The following GRIK2 variants were observed in gnomAD, a reference collection of about 807,000 sequenced individuals.
GRIK2 encodes the protein glutamate ionotropic receptor kainate type subunit 2, also known as glutamate receptor ionotropic, kainate 2.
A neutral mutation model predicts 100.3 loss-of-function variants in GRIK2; 32 were observed. The observed-to-expected ratio is 0.32, with a 90% CI of 0.24 to 0.43. The LOEUF (loss-of-function observed/expected upper bound fraction) is 0.43, where lower values mean the gene tolerates loss of function less well. Among genes scored for constraint, GRIK2 ranks in the 20% least tolerant of loss-of-function variants. The pLI is 1.00. For synonymous variants in GRIK2, 417 were observed against 389.4 expected (o/e 1.07, Z -0.83); for missense variants, 843 against 1,114.9 (o/e 0.76, Z 3.47).
At position 101,580,314 on chromosome 6, in the gene GRIK2, C is replaced by T. The variant is rs532366187; in HGVS notation, c.116-41635C>T. On this transcript the variant is annotated intron_variant, in intron 2 of 16. Transcript: ENST00000369134. ...TCTTCCCTGATTTAACAAATGGCTA[C>T]CCAACCTCCCAACTGTACAGGCCAG... is the stretch of plus-strand genomic sequence containing the variant. Among the ~76,000 whole-genome samples, 4 of 152,204 alleles carry T rather than the reference C, an allele frequency of 2.6e-5. No homozygotes were observed. The East Asian group carries it at 7.7e-4, about 29-fold the overall frequency.
intron 10 of GRIK2, among the ~76,000 whole-genome samples, chr6:101,836,886 G>A (rs553401282): frequency 2.4e-4 from 36 of 151,754 alleles, no homozygotes; most frequent in African/African-American, 8.5e-4. Context: ...GGCTGGTCTT[G>A]AACTCCTGAC....
chr6:101,973,326 A>T (rs2128486535), intron 14 of GRIK2, among the ~76,000 whole-genome samples: 1 of 151,956 alleles, frequency 6.6e-6, no homozygotes, highest in South Asian at 2.1e-4. Flanking sequence ...CAAAGCAATA[A>T]CTCCTTAATA....
intron 14 of GRIK2, among the ~76,000 whole-genome samples, chr6:101,942,559 G>T (rs959224911): frequency 2.6e-5 from 4 of 152,186 alleles, no homozygotes; most frequent in African/African-American, 9.6e-5. Context: ...CGGAGATGAT[G>T]AACTTATTGG....
intron 7 of GRIK2, among the ~76,000 whole-genome samples, chr6:101,779,916 G>A (rs1778984165): frequency 1.3e-5 from 2 of 152,028 alleles, no homozygotes; most frequent in Non-Finnish European, 2.9e-5. Flanking sequence ...AGAGAAAATA[G>A]AACAGATTAT....
intron 14 of GRIK2, among the ~76,000 whole-genome samples, chr6:101,937,996 T>A (rs1281825880): frequency 6.6e-6 from 1 of 152,126 alleles, no homozygotes; most frequent in Admixed American, 6.6e-5. Context: ...TTAGCATCTT[T>A]GGTCAGCTGA....
At chr6:101,688,078 TTA>T (rs997633375) in intron 7 of GRIK2, among the ~76,000 whole-genome samples, 5 of 147,104 alleles carry the variant, frequency 3.4e-5, no homozygotes, top group African/African-American at 1.2e-4. Flanking sequence ...AAAATATTTA[TTA>T]TATAAAAATA....
intron 7 of GRIK2, among the ~76,000 whole-genome samples, chr6:101,741,808 T>A (rs1313614468): frequency 6.6e-6 from 1 of 152,234 alleles, no homozygotes; most frequent in African/African-American, 2.4e-5. Context: ...GTGATCTCTT[T>A]ACATGTGATA....
rs1772166919 is a variant in GRIK2, at chr6:102,069,449, CA to C, written c.*939del. The C allele has an allele frequency of 6.6e-6, 1 of 151,690 alleles. No individual in the cohort carries two copies. Among genetic ancestry groups the C allele is most frequent in the African/African-American group, 2.4e-5 (1 of 41,364 alleles). 9.4% of individuals were successfully genotyped at this position (151,690 alleles called of 1,614,324 possible). ...TGGAAGACTAAAGCTTTCATTCTAACATTCAGACATAGCAATCCAAACCCTT... is the reference window on the plus strand; with the variant it reads ...TGGAAGACTAAAGCTTTCATTCTAACTTCAGACATAGCAATCCAAACCCTT... On this transcript the variant is annotated 3_prime_UTR_variant, in exon 17 of 17. Transcript: ENST00000369134.
intron 7 of GRIK2, among the ~76,000 whole-genome samples, chr6:101,703,509 T>A (rs1426049411): frequency 6.6e-6 from 1 of 151,750 alleles, no homozygotes; most frequent in Non-Finnish European, 1.5e-5. Context: ...TATTGTCTGC[T>A]TGGAATGTTG....
chr6:101,604,697 A>G (rs935177344), intron 2 of GRIK2, among the ~76,000 whole-genome samples: 35 of 151,994 alleles, frequency 2.3e-4, no homozygotes, highest in African/African-American at 8.2e-4. Context: ...ACATAATGAT[A>G]GTTTAAAAAG....
chr6:102,054,752 T>C (rs956134296), intron 15 of GRIK2, among the ~76,000 whole-genome samples: 2 of 152,142 alleles, frequency 1.3e-5, no homozygotes, highest in Non-Finnish European at 2.9e-5. Context: ...TAAATCACCA[T>C]AATGATTTTT....
At chr6:101,668,597 G>A (rs905425206) in intron 4 of GRIK2, among the ~76,000 whole-genome samples, 6 of 152,128 alleles carry the variant, frequency 3.9e-5, no homozygotes, top group African/African-American at 1.4e-4. Flanking sequence ...GATGAAACAT[G>A]GAATATAGAT....
At position 101,737,319 on chromosome 6, in the gene GRIK2, A is replaced by G. The variant is rs965743559; in HGVS notation, c.951+50966A>G. Among the ~76,000 whole-genome samples the G allele has an allele frequency of 1.2e-4, 18 of 152,124 alleles. 2 individuals carry two copies. Among genetic ancestry groups the G allele is most frequent in the Admixed American group, 1.1e-3 (17 of 15,258 alleles). Reference sequence around the variant, plus strand: ...CAATTTACAGTATTAGTTTGTTTTCATGTTGCTGATAAAGACATACCTAAG... The same window carrying G: ...CAATTTACAGTATTAGTTTGTTTTCGTGTTGCTGATAAAGACATACCTAAG... On this transcript the variant is annotated intron_variant, in intron 7 of 16. Transcript: ENST00000369134.
chr6:101,445,193 C>T (rs1287900595), intron 2 of GRIK2, among the ~76,000 whole-genome samples: 2 of 151,992 alleles, frequency 1.3e-5, no homozygotes, highest in African/African-American at 4.8e-5. Context: ...CTTTCTCTTG[C>T]CATTGTATTT....
At chr6:101,653,507 C>T (rs371903299) in intron 4 of GRIK2, among the ~76,000 whole-genome samples, 10 of 152,262 alleles carry the variant, frequency 6.6e-5, no homozygotes, top group African/African-American at 2.2e-4. Context: ...TGTCTCATTA[C>T]TAACGTCTTT....
At chr6:101,600,840 T>A (rs572106810) in intron 2 of GRIK2, among the ~76,000 whole-genome samples, 1 of 151,994 alleles carries the variant, frequency 6.6e-6, no homozygotes, top group East Asian at 1.9e-4. Context: ...AGGCATAGAA[T>A]CATATCATCA....
intron 15 of GRIK2, among the ~76,000 whole-genome samples, chr6:102,053,091 A>AACAACAC (rs1554197943): frequency 5.0e-3 from 751 of 149,368 alleles, no homozygotes; most frequent in Non-Finnish European, 8.0e-3. Flanking sequence ...CAACAACAAC[A>AACAACAC]ACACACACAC....
intron 7 of GRIK2, among the ~76,000 whole-genome samples, chr6:101,753,199 C>T (rs1446173986): frequency 6.8e-5 from 10 of 148,040 alleles, no homozygotes; most frequent in South Asian, 4.3e-4. Context: ...AGGAGAATGG[C>T]GTGAACCTGG....
chr6:101,640,482 A>G (rs573578516), intron 4 of GRIK2, among the ~76,000 whole-genome samples: 1 of 152,148 alleles, frequency 6.6e-6, no homozygotes, highest in Non-Finnish European at 1.5e-5. Flanking sequence ...AAGCATCCTA[A>G]AATACCGCCA....
Sources: allele counts gnomAD v4.1 joint callset (sites outside exome capture counted in the v4.1 genomes callset), GRCh38; gene constraint gnomAD v4.1.1; transcripts MANE v1.5; gene names NCBI Gene and HGNC (gene_info 2026-07-23, HGNC 2026-07-21).